Variants in ACYP2 observed in about 807,000 individuals in gnomAD.
ACYP2 encodes acylphosphatase-2.
Under a neutral mutation model 11.2 loss-of-function variants are expected in ACYP2, and 12 were observed. The ratio of observed to expected loss-of-function variants is 1.08; its 90% CI spans 0.69 to 1.74. The LOEUF (loss-of-function observed/expected upper bound fraction) is 1.74, where lower values mean the gene tolerates loss of function less well. ACYP2 is among the 40% of genes most tolerant of loss of function. ACYP2 has a pLI of 0.00. For missense variants in ACYP2, 134 were observed against 101.9 expected, an observed-to-expected ratio of 1.31 and a Z score of -1.35; for synonymous variants, 43 against 32.2, an observed-to-expected ratio of 1.33 and a Z score of -1.13.
chr2:54,048,081 T>G (rs1006820437), intron 2 of ACYP2, among the ~76,000 whole-genome samples: 2 of 152,226 alleles, frequency 1.3e-5, no homozygotes, highest in Admixed American at 6.5e-5. Context: ...AAATGTAGTA[T>G]TATTCATTTA....
Position 54,117,071 on chromosome 2 carries a change from G to A in ACYP2, c.278-18382G>A, listed in dbSNP as rs116147597. ...TACTGAAACTAGAGGCGAGGAGAACGAGGAAGCTAGACTTTAGAGCGCAAA... is the reference window on the plus strand; with the variant it reads ...TACTGAAACTAGAGGCGAGGAGAACAAGGAAGCTAGACTTTAGAGCGCAAA... On this transcript the variant is annotated intron_variant, in intron 4 of 6. Coordinates refer to ENST00000607452, the MANE Select transcript of ACYP2 (RefSeq NM_001320586.2). 1.7e-3 allele frequency among the ~76,000 whole-genome samples: 252 copies of A among 152,236 alleles called. 1 individual carries two copies. The highest frequency in any genetic ancestry group is 5.8e-3 in the African/African-American group (242 of 41,542).
At chr2:54,269,856 T>C (rs543287242) in intron 6 of ACYP2, among the ~76,000 whole-genome samples, 5 of 152,318 alleles carry the variant, frequency 3.3e-5, no homozygotes, top group Non-Finnish European at 7.3e-5. Context: ...ACGTGTATAA[T>C]ATGAATTATA....
chr2:54,026,843 G>T (rs113668559), intron 2 of ACYP2, among the ~76,000 whole-genome samples: 128 of 152,274 alleles, frequency 8.4e-4, no homozygotes, highest in Non-Finnish European at 1.1e-3. Flanking sequence ...ACTTAGAAAT[G>T]GGAGCTAAGT....
At chr2:54,123,497 A>G in intron 4 of ACYP2, 1 of 398,442 alleles carries the variant, frequency 2.5e-6, no homozygotes. Context: ...AATTTACATA[A>G]CACTAAATAT....
intron 6 of ACYP2, among the ~76,000 whole-genome samples, chr2:54,222,061 C>T (rs1226415299): frequency 6.6e-6 from 1 of 152,036 alleles, no homozygotes; most frequent in Admixed American, 6.6e-5. Context: ...TACCATATGC[C>T]AGGTATTGCA....
At position 54,183,196 on chromosome 2, in the gene ACYP2, T is replaced by C. The variant is rs190845602; in HGVS notation, c.404+44448T>C. Among the ~76,000 whole-genome samples, 400 of 152,298 alleles carry C rather than the reference T, an allele frequency of 2.6e-3. 2 individuals are homozygous for C. Among genetic ancestry groups the C allele is most frequent in the African/African-American group, 9.3e-3 (388 of 41,562 alleles). The stretch of plus-strand genomic sequence containing the variant: ...AAATTGTAAAGCTATGGTTTCCATA[T>C]GACTATAAGTTAACAAAATATAAAA... On this transcript the variant is annotated intron_variant, in intron 6 of 6. Transcript: ENST00000607452.
intron 4 of ACYP2, among the ~76,000 whole-genome samples, chr2:54,124,003 G>T (rs1680312624): frequency 1.3e-5 from 2 of 152,186 alleles, no homozygotes. Flanking sequence ...TATGCAACTA[G>T]CTGTGCCTGT....
intron 4 of ACYP2, among the ~76,000 whole-genome samples, chr2:54,123,647 C>A (rs774371890): frequency 6.6e-6 from 1 of 152,146 alleles, no homozygotes; most frequent in African/African-American, 2.4e-5. Context: ...CCTCCATCCC[C>A]TGGCATGTTA....
At chr2:54,207,133 A>G (rs1685104645) in intron 6 of ACYP2, among the ~76,000 whole-genome samples, 1 of 147,402 alleles carries the variant, frequency 6.8e-6, no homozygotes, top group Admixed American at 6.8e-5. Flanking sequence ...ATATATGCCT[A>G]TATCTCAAGT....
chr2:54,021,825 G>A (rs532324061), intron 2 of ACYP2, among the ~76,000 whole-genome samples: 2 of 152,296 alleles, frequency 1.3e-5, no homozygotes, highest in South Asian at 4.1e-4. Context: ...GGTTGTACTG[G>A]TGTTAAACAC....
chr2:54,145,267 T>C (rs1681830808), intron 6 of ACYP2, among the ~76,000 whole-genome samples: 1 of 152,216 alleles, frequency 6.6e-6, no homozygotes, highest in Non-Finnish European at 1.5e-5. Context: ...TTGTGATAAA[T>C]GACATGATAT....
chr2:54,245,576 T>A (rs1686911430), intron 6 of ACYP2, among the ~76,000 whole-genome samples: 1 of 152,228 alleles, frequency 6.6e-6, no homozygotes, highest in African/African-American at 2.4e-5. Context: ...TAAGATGATA[T>A]CTCACTGTGG....
At chr2:54,286,940 A>G (rs896799150) in intron 6 of ACYP2, among the ~76,000 whole-genome samples, 2 of 152,088 alleles carry the variant, frequency 1.3e-5, no homozygotes, top group African/African-American at 2.4e-5. Flanking sequence ...GTATTTGTGA[A>G]TGAATGACTT....
Position 54,023,454 on chromosome 2 carries a change from C to T in ACYP2, c.63-27504C>T, listed in dbSNP as rs192455103. ...ACAGCCTACCTGATTTTTAGAGCAA[C>T]TTTATCATTTTGTTTTCCTGTAGTC... On this transcript the variant is annotated intron_variant, in intron 2 of 6. Coordinates refer to ENST00000607452, the MANE Select transcript of ACYP2 (RefSeq NM_001320586.2). Among the ~76,000 whole-genome samples the T allele has an allele frequency of 2.3e-3, 354 of 152,220 alleles. 1 individual carries two copies. The highest frequency in any genetic ancestry group is 6.8e-3 in the Middle Eastern group (2 of 294).
At chr2:53,973,326 G>A (rs546519391) in intron 1 of ACYP2, among the ~76,000 whole-genome samples, 28 of 152,244 alleles carry the variant, frequency 1.8e-4, no homozygotes, top group South Asian at 1.7e-3. Flanking sequence ...AGGGAGAGCC[G>A]GAAAGAGATG....
chr2:54,204,569 C>A (rs957895494), intron 6 of ACYP2, among the ~76,000 whole-genome samples: 1 of 152,134 alleles, frequency 6.6e-6, no homozygotes, highest in African/African-American at 2.4e-5. Context: ...AAGTAAATAT[C>A]CTGTTCTTGC....
rs201848282 is a variant in ACYP2, at chr2:54,247,573, T to A, written c.405-57115T>A. On this transcript the variant is annotated intron_variant, in intron 6 of 6. Coordinates refer to ENST00000607452, the MANE Select transcript of ACYP2 (RefSeq NM_001320586.2). ...ATTCAGATTTCAAAAGAAATTGTCA[T>A]AATATTTATTATATTTAAATGGAAA... 5.3e-5 allele frequency among the ~76,000 whole-genome samples: 8 copies of A among 152,324 alleles called. No homozygotes were observed. The East Asian group carries it at 1.5e-3, about 29-fold the overall frequency.
intron 6 of ACYP2, among the ~76,000 whole-genome samples, chr2:54,165,514 C>T (rs947587692): frequency 1.2e-5 from 1 of 86,618 alleles, no homozygotes; most frequent in African/African-American, 4.9e-5. Flanking sequence ...CTCTCTCTTT[C>T]ACTCTCTCTC....
chr2:54,298,243 G>T (rs1689595432), intron 6 of ACYP2, among the ~76,000 whole-genome samples: 1 of 152,008 alleles, frequency 6.6e-6, no homozygotes, highest in Non-Finnish European at 1.5e-5. Flanking sequence ...CTGTAGAAAA[G>T]GATAAATTAT....
Sources: gnomAD v4.1 joint callset for allele counts (sites outside exome capture counted in the v4.1 genomes callset) on GRCh38, gnomAD v4.1.1 for gene constraint, MANE v1.5 for transcripts, NCBI Gene and HGNC (gene_info 2026-07-23, HGNC 2026-07-21) for gene names.